Variants in PARD3 observed in about 807,000 individuals in gnomAD.
PARD3 encodes the protein partitioning defective 3 homolog.
A neutral mutation model predicts 155.4 loss-of-function variants in PARD3; 75 were observed. That is an observed-to-expected ratio of 0.48 (90% CI 0.40 to 0.58). The LOEUF (loss-of-function observed/expected upper bound fraction) is 0.58, where lower values mean the gene tolerates loss of function less well. PARD3 is among the 20% of genes least tolerant of loss of function. The probability of loss-of-function intolerance (pLI) is 0.00; values close to 1 mark genes in which losing one functional copy is unlikely to be tolerated. For missense variants in PARD3, 1,642 were observed against 1,721.7 expected (o/e 0.95, Z 0.82); for synonymous variants, 576 against 610.5 (o/e 0.94, Z 0.83).
Position 34,295,703 on chromosome 10 carries a change from G to A in PARD3, c.3066-11458C>T, listed in dbSNP as rs1440132905. 2.6e-5 allele frequency among the ~76,000 whole-genome samples: 4 copies of A among 152,250 alleles called. No individual in the cohort carries two copies. In the East Asian group the frequency reaches 5.8e-4, roughly 22 times the overall value. On this transcript the variant is annotated intron_variant, in intron 20 of 24. Transcript: ENST00000374788. ...CTAAACTAGTGTGTATACTCATGACGTATTAGCAAAACTCACTTCACTGGG... is the reference window on the plus strand; with the variant it reads ...CTAAACTAGTGTGTATACTCATGACATATTAGCAAAACTCACTTCACTGGG...
chr10:34,521,708 TTAAC>T (rs1386281370), intron 2 of PARD3, among the ~76,000 whole-genome samples: 3 of 152,178 alleles, frequency 2.0e-5, no homozygotes, highest in Non-Finnish European at 4.4e-5. Context: ...ACAAGTCACT[TTAAC>T]TATGAAACAT....
chr10:34,196,962 G>A (rs546748544), intron 22 of PARD3, among the ~76,000 whole-genome samples: 18 of 152,216 alleles, frequency 1.2e-4, no homozygotes, highest in African/African-American at 2.9e-4. Context: ...ACTATGAACC[G>A]CAAGCTTTGT....
chr10:34,342,535 T>G (rs189478981), intron 15 of PARD3, among the ~76,000 whole-genome samples: 2 of 152,228 alleles, frequency 1.3e-5, no homozygotes, highest in African/African-American at 4.8e-5. Flanking sequence ...TGCAGTCAGG[T>G]GAAACTTAAA....
intron 22 of PARD3, among the ~76,000 whole-genome samples, chr10:34,172,085 T>A (rs566346091): frequency 6.6e-6 from 1 of 151,792 alleles, no homozygotes; most frequent in East Asian, 1.9e-4. Context: ...AAAGATTTAC[T>A]AAAAAGAGAT....
chr10:34,327,626 T>TCTCTGTTC (rs1835169259), intron 19 of PARD3, among the ~76,000 whole-genome samples: 1 of 152,148 alleles, frequency 6.6e-6, no homozygotes, highest in Non-Finnish European at 1.5e-5. Context: ...TGCAAGGAGC[T>TCTCTGTTC]CTCTGTTCCT....
intron 1 of PARD3, among the ~76,000 whole-genome samples, chr10:34,711,223 TG>T (rs1192750509): frequency 4.6e-5 from 7 of 151,756 alleles, no homozygotes; most frequent in African/African-American, 1.7e-4. Flanking sequence ...GCTCCAACTC[TG>T]AAGTATTTAC....
At chr10:34,526,511 A>G (rs944848139) in intron 2 of PARD3, among the ~76,000 whole-genome samples, 3 of 152,192 alleles carry the variant, frequency 2.0e-5, no homozygotes, top group African/African-American at 7.2e-5. Context: ...TGAGTCCACA[A>G]AAACAGAGCT....
At chr10:34,711,239 G>C (rs1425584038) in intron 1 of PARD3, among the ~76,000 whole-genome samples, 1 of 152,030 alleles carries the variant, frequency 6.6e-6, no homozygotes, top group African/African-American at 2.4e-5. Context: ...ATTTACCTAG[G>C]CCAGGTGCAG....
chr10:34,765,909 C>T (rs1838027654), intron 1 of PARD3, among the ~76,000 whole-genome samples: 1 of 152,166 alleles, frequency 6.6e-6, no homozygotes, highest in Non-Finnish European at 1.5e-5. Context: ...ACACACACCC[C>T]ATTCCACAGA....
intron 2 of PARD3, among the ~76,000 whole-genome samples, chr10:34,624,124 T>C (rs10082424): frequency 6.6e-6 from 1 of 152,218 alleles, no homozygotes; most frequent in African/African-American, 2.4e-5. Flanking sequence ...TTTCCCATTA[T>C]CTGCCAAGGA....
At chr10:34,805,752 G>A (rs944566614) in intron 1 of PARD3, among the ~76,000 whole-genome samples, 13 of 151,950 alleles carry the variant, frequency 8.6e-5, no homozygotes, top group Non-Finnish European at 1.3e-4. Flanking sequence ...TGAGACAGGC[G>A]GATCACGAGG....
intron 2 of PARD3, among the ~76,000 whole-genome samples, chr10:34,668,802 G>A (rs573897849): frequency 3.9e-4 from 60 of 151,956 alleles, no homozygotes; most frequent in Non-Finnish European, 7.5e-4. Context: ...GCAAAACCCC[G>A]TCTCTACTAA....
At chr10:34,666,805 A>ATGTATATATATATATATATATATG (rs2093490757) in intron 2 of PARD3, among the ~76,000 whole-genome samples, 9 of 101,706 alleles carry the variant, frequency 8.8e-5, no homozygotes, top group African/African-American at 4.3e-4. Context: ...AAATATATAT[A>ATGTATATATATATATATATATATG]TATATATATA....
intron 5 of PARD3, among the ~76,000 whole-genome samples, chr10:34,428,074 C>A (rs1469238425): frequency 6.6e-6 from 1 of 152,182 alleles, no homozygotes; most frequent in African/African-American, 2.4e-5. Context: ...CCACAACAAA[C>A]CTCCAGCACT....
chr10:34,716,695 C>T (rs948507081), intron 1 of PARD3, among the ~76,000 whole-genome samples: 1 of 147,200 alleles, frequency 6.8e-6, no homozygotes, highest in Non-Finnish European at 1.5e-5. Context: ...TGGGTTCAAG[C>T]GATTCTCCTG....
intron 22 of PARD3, among the ~76,000 whole-genome samples, chr10:34,196,633 G>A (rs927891563): frequency 6.8e-5 from 10 of 146,088 alleles, no homozygotes; most frequent in Middle Eastern, 3.5e-3. Context: ...GAGTGCAGTG[G>A]CTCGATCTTG....
intron 2 of PARD3, among the ~76,000 whole-genome samples, chr10:34,645,192 TTTTATTTTGATTTA>T (rs1273203385): frequency 1.4e-5 from 2 of 138,716 alleles, no homozygotes; most frequent in African/African-American, 6.9e-5. Context: ...TTTATTTTTA[TTTTATTTTGATTTA>T]TTTTATTTTA....
chr10:34,109,604 G>C lies in PARD3; in HGVS notation c.*1565C>G, dbSNP rs1018439515. ...TTTTATTAGGAGTTGCATATGTACA[G>C]AGAAAGCTGTTTCTCACAGCTCAGG... On this transcript the variant is annotated 3_prime_UTR_variant, in exon 25 of 25. Transcript: ENST00000374788. 2.6e-5 allele frequency: 4 copies of C among 152,002 alleles called. No individual in the cohort carries two copies. The highest frequency in any genetic ancestry group is 6.6e-5 in the Admixed American group (1 of 15,252). The allele number at this position is 152,002 out of a possible 1,614,324, so 9.4% of individuals were successfully genotyped here. A position where few individuals can be genotyped will look rare whatever the true frequency, so the allele number is the denominator to read the frequency against.
At chr10:34,226,822 G>A (rs753512825) in intron 22 of PARD3, among the ~76,000 whole-genome samples, 32 of 152,008 alleles carry the variant, frequency 2.1e-4, no homozygotes, top group Admixed American at 6.6e-4. Context: ...ATCTACTGTT[G>A]AATGAATTAA....
Sources: gnomAD v4.1 joint callset for allele counts (sites outside exome capture counted in the v4.1 genomes callset) on GRCh38, gnomAD v4.1.1 for gene constraint, MANE v1.5 for transcripts, NCBI Gene and HGNC (gene_info 2026-07-23, HGNC 2026-07-21) for gene names.